LAMA2: variants seen among roughly 807,000 people sequenced by gnomAD.
The protein encoded by LAMA2 is laminin subunit alpha 2, also known as laminin subunit alpha-2.
A neutral mutation model predicts 364.8 loss-of-function variants in LAMA2; 269 were observed. That is an observed-to-expected ratio of 0.74 (90% confidence interval 0.67 to 0.82). LAMA2 has a LOEUF of 0.82. LAMA2 is among the 40% of genes least tolerant of loss of function. The pLI is 0.00. For missense variants in LAMA2, 3,807 were observed against 3,873.2 expected, an observed-to-expected ratio of 0.98 and a Z score of 0.45; for synonymous variants, 1,379 against 1,370.6, an observed-to-expected ratio of 1.01 and a Z score of -0.14.
intron 1 of LAMA2, among the ~76,000 whole-genome samples, chr6:128,894,388 C>G (rs1280381616): frequency 6.6e-6 from 1 of 152,122 alleles, no homozygotes; most frequent in African/African-American, 2.4e-5. Context: ...ATGGTAGAGA[C>G]AAATTTTTCA....
At chr6:129,222,970 G>C (rs1483874906) in intron 12 of LAMA2, among the ~76,000 whole-genome samples, 1 of 152,168 alleles carries the variant, frequency 6.6e-6, no homozygotes, top group South Asian at 2.1e-4. Context: ...CAGTGTAAAA[G>C]TGTTCCTATT....
intron 21 of LAMA2, among the ~76,000 whole-genome samples, chr6:129,300,439 A>G (rs749208044): frequency 1.3e-5 from 2 of 152,176 alleles, no homozygotes; most frequent in African/African-American, 4.8e-5. Flanking sequence ...GTTACAGTTA[A>G]CATGGAATCT....
intron 5 of LAMA2, among the ~76,000 whole-genome samples, chr6:129,146,259 T>A (rs1294762016): frequency 6.6e-6 from 1 of 151,952 alleles, no homozygotes; most frequent in Non-Finnish European, 1.5e-5. Context: ...TTATAAAATG[T>A]TATATACACA....
intron 3 of LAMA2, among the ~76,000 whole-genome samples, chr6:129,091,295 A>G (rs955013669): frequency 4.6e-5 from 7 of 152,208 alleles, no homozygotes; most frequent in Non-Finnish European, 1.0e-4. Context: ...CAAATAATTG[A>G]AAATGTTCTC....
intron 48 of LAMA2, among the ~76,000 whole-genome samples, chr6:129,456,852 A>C (rs1782992069): frequency 6.6e-6 from 1 of 152,204 alleles, no homozygotes; most frequent in Non-Finnish European, 1.5e-5. Flanking sequence ...TATAAAGTTC[A>C]TACTCACATC....
At chr6:129,350,456 C>A (rs1211323214) in intron 31 of LAMA2, among the ~76,000 whole-genome samples, 1 of 152,314 alleles carries the variant, frequency 6.6e-6, no homozygotes, top group African/African-American at 2.4e-5. Flanking sequence ...GAATGTTTAC[C>A]CGCCCTTCCT....
Position 128,962,185 on chromosome 6 carries a change from T to TATATATATATATATATATAC in LAMA2, c.112+78829_112+78830insTATATATATATATATATACA, listed in dbSNP as rs1214826895. On this transcript the variant is annotated intron_variant, in intron 1 of 64. Coordinates refer to ENST00000421865, the MANE Select transcript of LAMA2 (RefSeq NM_000426.4). Reference sequence around the variant, plus strand: ...ATATATATATATATATATATATATATACACACATACACACACACATACACA... The same window carrying TATATATATATATATATATAC: ...ATATATATATATATATATATATATATATATATATATATATATATACACACACATACACACACACATACACA... Among the ~76,000 whole-genome samples the TATATATATATATATATATAC allele has an allele frequency of 2.5e-4, 26 of 103,924 alleles. 2 individuals are homozygous for TATATATATATATATATATAC. Among genetic ancestry groups the TATATATATATATATATATAC allele is most frequent in the Non-Finnish European group, 3.6e-4 (18 of 50,024 alleles). The allele number at this position is 103,924 out of a possible 152,430, so 68.2% of individuals were successfully genotyped here.
intron 29 of LAMA2, among the ~76,000 whole-genome samples, chr6:129,340,130 A>G (rs1266644279): frequency 6.6e-6 from 1 of 152,226 alleles, no homozygotes; most frequent in Non-Finnish European, 1.5e-5. Context: ...CTTTAGCAAC[A>G]AAGATCTTAT....
At chr6:129,304,517 C>A (rs994388421) in intron 22 of LAMA2, among the ~76,000 whole-genome samples, 1 of 152,220 alleles carries the variant, frequency 6.6e-6, no homozygotes, top group East Asian at 1.9e-4. Context: ...CCAGCCTCAG[C>A]CTCCCAAAAT....
At position 129,481,316 on chromosome 6, in the gene LAMA2, G is replaced by A. The variant is rs377631442; in HGVS notation, c.7626G>A (p.Val2542=). The A allele has an allele frequency of 1.0e-4, 163 of 1,613,536 alleles. No homozygotes were observed. Among genetic ancestry groups the A allele is most frequent in the Non-Finnish European group, 1.3e-4 (156 of 1,179,728 alleles). ...PKPGFVELSP[V]PIDVGTEINL... ...CTGGTTTTGTGGAGCTCTCCCCTGT[G>A]CCAATTGATGTAGGAACAGAAATCA... The change falls in exon 55 of 65, where the codon GTG becomes GTA. Residue 2542 remains valine (V), a synonymous_variant. Transcript: ENST00000421865.
intron 1 of LAMA2, among the ~76,000 whole-genome samples, chr6:128,894,446 G>T (rs761754254): frequency 6.6e-6 from 1 of 152,088 alleles, no homozygotes; most frequent in Non-Finnish European, 1.5e-5. Context: ...GACAAATTTT[G>T]TTATTTTTCT....
At chr6:129,016,617 C>T (rs1259196949) in intron 1 of LAMA2, among the ~76,000 whole-genome samples, 1 of 151,750 alleles carries the variant, frequency 6.6e-6, no homozygotes, top group Non-Finnish European at 1.5e-5. Flanking sequence ...ATATAACATT[C>T]AAAAATAGAT....
At chr6:129,289,957 G>A (rs533532782) in intron 19 of LAMA2, among the ~76,000 whole-genome samples, 1 of 152,078 alleles carries the variant, frequency 6.6e-6, no homozygotes, top group Non-Finnish European at 1.5e-5. Context: ...AAAACCTCAA[G>A]GAAAGAAAGT....
intron 18 of LAMA2, among the ~76,000 whole-genome samples, chr6:129,285,743 T>C (rs934039134): frequency 2.6e-5 from 4 of 152,094 alleles, no homozygotes; most frequent in African/African-American, 9.7e-5. Context: ...AAGAATCTCC[T>C]TCTTATCTTT....
chr6:129,164,501 T>TGTTCC (rs2114991682), intron 8 of LAMA2, among the ~76,000 whole-genome samples: 1 of 152,346 alleles, frequency 6.6e-6, no homozygotes, highest in South Asian at 2.1e-4. Flanking sequence ...GTTTCTGTTA[T>TGTTCC]GTTCCTCTGA....
Position 129,291,727 on chromosome 6 carries a change from A to C in LAMA2, c.2856+7A>C. On this transcript the variant is annotated splice_region_variant and intron_variant, in intron 20 of 64. Coordinates refer to ENST00000421865, the MANE Select transcript of LAMA2 (RefSeq NM_000426.4). ...GAGATGTGACAAATGCAAGGTAAGG[A>C]GTAGAGGCTGACCCATAAATTACTT... 1 of 1,581,242 alleles carries C rather than the reference A, an allele frequency of 6.3e-7. No individual in the cohort carries two copies. The highest frequency in any genetic ancestry group is 8.7e-7 in the Non-Finnish European group (1 of 1,150,050).
At chr6:129,464,597 G>A in intron 50 of LAMA2, 145 bp downstream of exon 50, 1 of 759,360 alleles carries the variant, frequency 1.3e-6, no homozygotes, top group Non-Finnish European at 2.4e-6. Flanking sequence ...CCAAGAATGG[G>A]TGATACAGAT....
chr6:129,119,806 T>C (rs903416578), intron 4 of LAMA2, among the ~76,000 whole-genome samples: 25 of 152,156 alleles, frequency 1.6e-4, no homozygotes, highest in South Asian at 1.4e-3. Context: ...CCTCGGCCTC[T>C]TAAAGTGCTG....
chr6:129,339,009 A>G (rs1458313739), intron 29 of LAMA2, among the ~76,000 whole-genome samples: 3 of 152,138 alleles, frequency 2.0e-5, no homozygotes, highest in Non-Finnish European at 4.4e-5. Flanking sequence ...CTTCCTTGCC[A>G]TGCTAATGAT....
Sources: allele counts gnomAD v4.1 joint callset (sites outside exome capture counted in the v4.1 genomes callset), GRCh38; gene constraint gnomAD v4.1.1; transcripts MANE v1.5; gene names NCBI Gene and HGNC (gene_info 2026-07-23, HGNC 2026-07-21).